DNAH14: variants seen among roughly 807,000 people sequenced by gnomAD.
The protein encoded by DNAH14 is dynein axonemal heavy chain 14.
Under a neutral mutation model 520.9 loss-of-function variants are expected in DNAH14, and 478 were observed. The ratio of observed to expected loss-of-function variants is 0.92; its 90% confidence interval spans 0.85 to 0.99. DNAH14 has a LOEUF of 0.99. Among genes scored for constraint, DNAH14 ranks in the 50% least tolerant of loss-of-function variants. The pLI is 0.00. For missense variants in DNAH14, 4,831 were observed against 5,234.5 expected (o/e 0.92, Z 2.38); for synonymous variants, 1,581 against 1,757.2 (o/e 0.90, Z 2.51).
chr1:225,029,850 G>A, intron 11 of DNAH14, among the ~76,000 whole-genome samples: 1 of 151,966 alleles, frequency 6.6e-6, no homozygotes, highest in Non-Finnish European at 1.5e-5. Flanking sequence ...AATGTGATTG[G>A]TCAAACCTAT....
chr1:225,137,719 G>T (rs1400113576), intron 27 of DNAH14, among the ~76,000 whole-genome samples: 1 of 152,148 alleles, frequency 6.6e-6, no homozygotes. Flanking sequence ...GGGCCCCCCA[G>T]TGGAAGATGT....
At position 225,144,380 on chromosome 1, in the gene DNAH14, TA is replaced by T. The variant is rs774439624; in HGVS notation, c.4509-13del. On this transcript the variant is annotated splice_polypyrimidine_tract_variant and intron_variant, in intron 28 of 85. Transcript: ENST00000682510. ...AATTTAACCAAATAATATGAACATT[TA>T]AAATTTGGCTTTCAGACATTTGCAA... The T allele has an allele frequency of 1.1e-5, 17 of 1,519,126 alleles. No individual in the cohort carries two copies. In the South Asian group the frequency reaches 1.9e-4, roughly 17 times the overall value. The allele number at this position is 1,519,126 out of a possible 1,614,324, so 94.1% of individuals were successfully genotyped here.
At chr1:225,038,875 TAC>T in intron 12 of DNAH14, 52 bp downstream of exon 12, 1 of 1,391,580 alleles carries the variant, frequency 7.2e-7, no homozygotes, top group East Asian at 2.8e-5. Context: ...ATAAAATGAA[TAC>T]ATTTTAAAAT....
rs756741048 is a variant in DNAH14 at position 224,954,986 on chromosome 1, T to G, written c.105T>G (p.Tyr35Ter). The change falls in exon 3 of 86, where the codon TAT becomes TAG. Residue 35 changes from tyrosine (Y) to a stop codon, truncating the protein, a stop_gained. Transcript: ENST00000682510. LOFTEE classifies it high-confidence loss of function. ...TTTTAAGATATGAAGAGAAAAAATA[T>G]GAAGATGTGAAACCATTAGAGACTC... ...PRLLRYEEKK[Y>*]EDVKPLETQP... 17 of 1,599,406 alleles carry G rather than the reference T, an allele frequency of 1.1e-5. No individual in the cohort carries two copies. The highest frequency in any genetic ancestry group is 3.4e-5 in the South Asian group (3 of 88,202).
At chr1:225,033,523 C>T (rs1012380434) in intron 11 of DNAH14, among the ~76,000 whole-genome samples, 1 of 151,968 alleles carries the variant, frequency 6.6e-6, no homozygotes, top group African/African-American at 2.4e-5. Flanking sequence ...GTTCTTCCAG[C>T]TTTATTCTTT....
At chr1:225,172,886 G>A (rs925395160) in intron 36 of DNAH14, among the ~76,000 whole-genome samples, 2 of 152,178 alleles carry the variant, frequency 1.3e-5, no homozygotes, top group African/African-American at 4.8e-5. Context: ...AACCAAAGCA[G>A]CATGGTACTG....
At chr1:225,181,253 T>C (rs1402195476) in intron 36 of DNAH14, among the ~76,000 whole-genome samples, 2 of 152,212 alleles carry the variant, frequency 1.3e-5, no homozygotes, top group Non-Finnish European at 2.9e-5. Flanking sequence ...GTTGATTTCA[T>C]ATCTTTGCTA....
chr1:225,008,438 A>G (rs927004912), intron 10 of DNAH14, among the ~76,000 whole-genome samples: 1 of 152,112 alleles, frequency 6.6e-6, no homozygotes, highest in African/African-American at 2.4e-5. Context: ...GGGTATATAC[A>G]CAGTAATGGG....
intron 60 of DNAH14, among the ~76,000 whole-genome samples, chr1:225,313,733 C>G (rs954227736): frequency 6.6e-6 from 1 of 152,138 alleles, no homozygotes; most frequent in Non-Finnish European, 1.5e-5. Flanking sequence ...TGTTCAGTTT[C>G]CATGTAGTTG....
Position 225,381,562 on chromosome 1 carries a change from GTGCCTACA to G in DNAH14, c.13062_13069del (p.Pro4355ValfsTer10). The G allele has an allele frequency of 6.6e-7, 1 of 1,520,520 alleles. No individual in the cohort carries two copies. The highest frequency in any genetic ancestry group is 1.3e-5 in the South Asian group (1 of 78,230). The allele number at this position is 1,520,520 out of a possible 1,614,324, so 94.2% of individuals were successfully genotyped here. Reference sequence around the variant, plus strand: ...ATTTAACTCTTTTCTTAATATGAGAGTGCCTACATTGTGGCAGGTAAGCAATTATTATT... The same window carrying G: ...ATTTAACTCTTTTCTTAATATGAGAGTTGTGGCAGGTAAGCAATTATTATT... On this transcript the variant is annotated frameshift_variant, in exon 81 of 86. Transcript: ENST00000682510. LOFTEE classifies it high-confidence loss of function.
At chr1:225,378,604 G>A (rs548000614) in intron 79 of DNAH14, among the ~76,000 whole-genome samples, 6 of 152,216 alleles carry the variant, frequency 3.9e-5, no homozygotes, top group South Asian at 2.1e-4. Flanking sequence ...AGTCCTGGCC[G>A]GGCGCGGTGG....
intron 8 of DNAH14, among the ~76,000 whole-genome samples, chr1:224,977,534 A>G (rs2061949218): frequency 6.6e-6 from 1 of 152,186 alleles, no homozygotes; most frequent in Non-Finnish European, 1.5e-5. Flanking sequence ...CAATAAATCA[A>G]GAGGAGGGAA....
chr1:225,118,073 A>G (rs2077001157), intron 25 of DNAH14, 74 bp downstream of exon 25: 1 of 1,175,224 alleles, frequency 8.5e-7, no homozygotes, highest in Non-Finnish European at 1.2e-6. Context: ...GAAATTTTTG[A>G]TATATTATAA....
At chr1:225,184,862 G>A (rs1020661623) in intron 36 of DNAH14, among the ~76,000 whole-genome samples, 10 of 152,048 alleles carry the variant, frequency 6.6e-5, no homozygotes, top group South Asian at 4.2e-4. Context: ...ATAAGACAAG[G>A]ATGCCCACTC....
chr1:225,380,855 T>G (rs1201718395), intron 80 of DNAH14, among the ~76,000 whole-genome samples: 1 of 152,240 alleles, frequency 6.6e-6, no homozygotes, highest in African/African-American at 2.4e-5. Flanking sequence ...TTGCAGAAGT[T>G]TATTTGGGAA....
chr1:225,057,740 G>C (rs548446757), intron 17 of DNAH14, among the ~76,000 whole-genome samples: 33 of 152,226 alleles, frequency 2.2e-4, no homozygotes, highest in African/African-American at 6.0e-4. Flanking sequence ...TAGCATGAAG[G>C]GTTGTTGAAT....
chr1:225,351,842 A>C lies in DNAH14; in HGVS notation c.11492A>C (p.Glu3831Ala). Residue 3831 changes from glutamate (E) to alanine (A), a missense_variant, in exon 72 of 86, where the codon GAA becomes GCA. Physicochemically the swap from Glu to Ala is moderately radical, Grantham distance 107 (BLOSUM62 -1). Transcript: ENST00000682510. ...YSLISTPFSS[E>A]NASLEENTKP... ...CTGATCAGCACACCTTTCTCTTCAGAAAATGCTTCATTGGAGGAAAATACA... is the reference window on the plus strand; with the variant it reads ...CTGATCAGCACACCTTTCTCTTCAGCAAATGCTTCATTGGAGGAAAATACA... 1 of 1,551,240 alleles carries C rather than the reference A, an allele frequency of 6.4e-7. No individual in the cohort carries two copies. Among genetic ancestry groups the C allele is most frequent in the South Asian group, 1.2e-5 (1 of 83,994 alleles).
At chr1:225,163,333 T>C (rs2081716545) in intron 35 of DNAH14, among the ~76,000 whole-genome samples, 1 of 152,246 alleles carries the variant, frequency 6.6e-6, no homozygotes, top group East Asian at 1.9e-4. Context: ...TCCTTTCCAG[T>C]TTGGATGCCC....
intron 8 of DNAH14, among the ~76,000 whole-genome samples, chr1:224,981,431 C>G (rs1276030509): frequency 6.6e-6 from 1 of 151,874 alleles, no homozygotes; most frequent in Non-Finnish European, 1.5e-5. Flanking sequence ...TTTTTTTTTG[C>G]TGGTAATTTT....
Sources: allele counts gnomAD v4.1 joint callset (sites outside exome capture counted in the v4.1 genomes callset), GRCh38; gene constraint gnomAD v4.1.1; transcripts MANE v1.5; gene names NCBI Gene and HGNC (gene_info 2026-07-23, HGNC 2026-07-21).